The following ABCC4 variants were observed in gnomAD, a reference collection of about 807,000 sequenced individuals.
ABCC4 encodes ATP-binding cassette sub-family C member 4.
In ABCC4, 102 loss-of-function variants were observed where a neutral mutation model predicts 168.5. The observed-to-expected ratio is 0.61, with a 90% confidence interval of 0.52 to 0.71. The LOEUF is 0.71. Ranked by LOEUF, ABCC4 falls within the 30% of genes least tolerant of loss-of-function variation. The probability of loss-of-function intolerance (pLI) is 0.00; values close to 1 mark genes in which losing one functional copy is unlikely to be tolerated. For synonymous variants in ABCC4, 617 were observed against 590.7 expected (o/e 1.04, Z -0.65); for missense variants, 1,402 against 1,605.8 (o/e 0.87, Z 2.17).
chr13:95,188,587 C>T (rs756813902), intron 9 of ABCC4, 45 bp from the exon 10 acceptor site: 1 of 1,472,024 alleles, frequency 6.8e-7, no homozygotes, highest in South Asian at 1.2e-5. Context: ...AATAAAGTCA[C>T]ACAAATCACT....
chr13:95,132,647 T>C (rs1042952539), intron 19 of ABCC4, among the ~76,000 whole-genome samples: 2 of 152,218 alleles, frequency 1.3e-5, no homozygotes, highest in Admixed American at 6.5e-5. Flanking sequence ...TTTCCAAATA[T>C]TTTCCATTCT....
chr13:95,258,935 GC>G lies in ABCC4; in HGVS notation c.75-11183del, dbSNP rs1384790042. 4.1e-4 allele frequency among the ~76,000 whole-genome samples: 62 copies of G among 152,324 alleles called. 1 individual carries two copies. In the Middle Eastern group the frequency reaches 0.01, roughly 25 times the overall value. On this transcript the variant is annotated intron_variant, in intron 1 of 30. Transcript: ENST00000645237. ...TTTCCTTGAAGAGTCTGCCAGCCCT[GC>G]CTGCGGGAGGCTGCTGGGCCCGGCC...
chr13:95,264,998 A>T (rs2040632202), intron 1 of ABCC4, among the ~76,000 whole-genome samples: 1 of 151,088 alleles, frequency 6.6e-6, no homozygotes, highest in Admixed American at 6.6e-5. Context: ...CCTCCTGAGT[A>T]GCTGGGACTA....
intron 3 of ABCC4, among the ~76,000 whole-genome samples, chr13:95,244,010 A>C (rs374157333): frequency 5.9e-5 from 9 of 152,134 alleles, no homozygotes; most frequent in African/African-American, 1.2e-4. Context: ...CAGGACACCT[A>C]GGAACCTAGG....
intron 19 of ABCC4, among the ~76,000 whole-genome samples, chr13:95,125,709 C>T (rs2035735744): frequency 6.6e-6 from 1 of 152,200 alleles, no homozygotes; most frequent in South Asian, 2.1e-4. Flanking sequence ...ATCCTTGAAG[C>T]CATTGAAAAC....
At position 95,066,670 on chromosome 13, in the gene ABCC4, T is replaced by G. The variant is rs566018982; in HGVS notation, c.3211-3811A>C. Among the ~76,000 whole-genome samples, 11 of 152,300 alleles carry G rather than the reference T, an allele frequency of 7.2e-5. 1 individual carries two copies. The South Asian group carries it at 2.3e-3, about 32-fold the overall frequency. On this transcript the variant is annotated intron_variant, in intron 25 of 30. Coordinates refer to ENST00000645237, the MANE Select transcript of ABCC4 (RefSeq NM_005845.5). ...TTTGCAAAAGAGAAAAATCGAGGCT[T>G]AGTAAGATTGATTAAACTGTTGAAA...
At chr13:95,077,952 C>T (rs1315001571) in intron 21 of ABCC4, among the ~76,000 whole-genome samples, 1 of 152,130 alleles carries the variant, frequency 6.6e-6, no homozygotes, top group Non-Finnish European at 1.5e-5. Flanking sequence ...GTATGAGACA[C>T]TGGGGTTCTG....
At chr13:95,094,747 G>A (rs1566411294) in intron 20 of ABCC4, among the ~76,000 whole-genome samples, 1 of 152,092 alleles carries the variant, frequency 6.6e-6, no homozygotes, top group Admixed American at 6.6e-5. Flanking sequence ...CACAGAGTGG[G>A]AGTAAATCTT....
At chr13:95,219,407 G>T (rs2039248499) in intron 4 of ABCC4, among the ~76,000 whole-genome samples, 1 of 152,104 alleles carries the variant, frequency 6.6e-6, no homozygotes, top group African/African-American at 2.4e-5. Context: ...ACATACATGG[G>T]GACAAATACA....
chr13:95,208,178 A>G (rs112016928), intron 6 of ABCC4, among the ~76,000 whole-genome samples: 59 of 152,308 alleles, frequency 3.9e-4, no homozygotes, highest in Non-Finnish European at 7.6e-4. Flanking sequence ...GTCAGATGTC[A>G]TCTGTCCCCT....
Position 95,126,211 on chromosome 13 carries a change from TAA to T in ABCC4, c.2456-10212_2456-10211del, listed in dbSNP as rs145549479. On this transcript the variant is annotated intron_variant, in intron 19 of 30. Transcript: ENST00000645237. Reference sequence around the variant, plus strand: ...GTATCCTGTCACTGTCGTTTGCGGCTAAATGCTCATGGAATATCTCCAAAAGA... The same window carrying T: ...GTATCCTGTCACTGTCGTTTGCGGCTATGCTCATGGAATATCTCCAAAAGA... 6.5e-3 allele frequency among the ~76,000 whole-genome samples: 986 copies of T among 152,254 alleles called. 13 individuals carry two copies. The highest frequency in any genetic ancestry group is 0.022 in the African/African-American group (927 of 41,522).
At chr13:95,179,051 T>C (rs2037804317) in intron 11 of ABCC4, among the ~76,000 whole-genome samples, 1 of 152,178 alleles carries the variant, frequency 6.6e-6, no homozygotes, top group Admixed American at 6.5e-5. Flanking sequence ...AGGTTGATTA[T>C]GGCCAAACTG....
chr13:95,159,093 TTATATATATATA>T (rs554884258), intron 19 of ABCC4, among the ~76,000 whole-genome samples: 1,044 of 61,016 alleles, frequency 0.017, 29 homozygotes, highest in African/African-American at 0.029. Flanking sequence ...TAAATAAATT[TTATATATATATA>T]TATATATATA....
chr13:95,178,511 T>G (rs918985157), intron 11 of ABCC4, among the ~76,000 whole-genome samples: 4 of 151,936 alleles, frequency 2.6e-5, no homozygotes, highest in African/African-American at 7.3e-5. Context: ...AAAGTCCACT[T>G]TATATAGGGA....
intron 22 of ABCC4, 55 bp from the exon 23 acceptor site, chr13:95,074,379 T>G: frequency 7.0e-7 from 1 of 1,429,248 alleles, no homozygotes; most frequent in Non-Finnish European, 9.7e-7. Flanking sequence ...TGTGCGAGTG[T>G]GTTTTGCTCA....
intron 26 of ABCC4, chr13:95,054,021 CTT>C (rs55980425): frequency 1.4e-5 from 1 of 71,628 alleles, no homozygotes; most frequent in African/African-American, 7.3e-5. Flanking sequence ...ATGGGACATC[CTT>C]TTTTTTTTTT....
intron 8 of ABCC4, among the ~76,000 whole-genome samples, chr13:95,195,825 G>A (rs1039464948): frequency 6.6e-6 from 1 of 151,874 alleles, no homozygotes; most frequent in Non-Finnish European, 1.5e-5. Flanking sequence ...CTGGAGACAG[G>A]GTTTCACCAT....
chr13:95,155,565 GA>G (rs920510974), intron 19 of ABCC4, among the ~76,000 whole-genome samples: 1 of 151,820 alleles, frequency 6.6e-6, no homozygotes, highest in African/African-American at 2.4e-5. Context: ...AATCTATAAA[GA>G]AAAAAGAATG....
intron 16 of ABCC4, among the ~76,000 whole-genome samples, chr13:95,164,059 AAAGAAAG>A (rs2037192158): frequency 6.5e-5 from 8 of 122,224 alleles, no homozygotes; most frequent in African/African-American, 2.0e-4. Context: ...AAAAAAAAAG[AAAGAAAG>A]AAAGAAAGAA....
Sources: gnomAD v4.1 joint callset for allele counts (sites outside exome capture counted in the v4.1 genomes callset) on GRCh38, gnomAD v4.1.1 for gene constraint, MANE v1.5 for transcripts, NCBI Gene and HGNC (gene_info 2026-07-23, HGNC 2026-07-21) for gene names.